Variants in NTF3 observed in about 807,000 individuals in gnomAD.
The protein encoded by NTF3 is neurotrophin-3.
A neutral mutation model predicts 26.3 loss-of-function variants in NTF3; 8 were observed. The observed-to-expected ratio is 0.30, with a 90% confidence interval of 0.18 to 0.55. The LOEUF (loss-of-function observed/expected upper bound fraction) is 0.55, where lower values mean the gene tolerates loss of function less well. Ranked by LOEUF, NTF3 falls within the 20% of genes least tolerant of loss-of-function variation. NTF3 has a pLI of 0.93. For synonymous variants in NTF3, 154 were observed against 145.5 expected (o/e 1.06, Z -0.42); for missense variants, 276 against 352.9 (o/e 0.78, Z 1.75).
chr12:5,472,028 G>T (rs762410017), intron 1 of NTF3, among the ~76,000 whole-genome samples: 4 of 152,210 alleles, frequency 2.6e-5, no homozygotes, highest in Admixed American at 6.5e-5. Flanking sequence ...ATAACTGTGC[G>T]GTCTGAGGTC....
At chr12:5,440,973 G>A (rs1431630915) in intron 1 of NTF3, among the ~76,000 whole-genome samples, 2 of 152,216 alleles carry the variant, frequency 1.3e-5, no homozygotes, top group African/African-American at 4.8e-5. Context: ...TGTTTATGAA[G>A]CACTGAAGAA....
Position 5,432,167 on chromosome 12 carries a change from C to A in NTF3, c.-158C>A. 1 of 833,234 alleles carries A rather than the reference C, an allele frequency of 1.2e-6. No homozygotes were observed. The highest frequency in any genetic ancestry group is 1.4e-5 in the South Asian group (1 of 69,580). The allele number at this position is 833,234 out of a possible 1,614,324, so 51.6% of individuals were successfully genotyped here. On this transcript the variant is annotated 5_prime_UTR_variant, in exon 1 of 2. Coordinates refer to ENST00000423158, the MANE Select transcript of NTF3 (RefSeq NM_001102654.2). ...CTCCGCGCACCGCCCCGCGACGCAG[C>A]CCGGCGCAACTACTTTCTTCTCTCT...
chr12:5,464,981 T>C (rs1368765891), intron 1 of NTF3, among the ~76,000 whole-genome samples: 1 of 152,200 alleles, frequency 6.6e-6, no homozygotes, highest in African/African-American at 2.4e-5. Flanking sequence ...CATTCTTCTC[T>C]TCAGCATCCA....
chr12:5,491,569 C>T (rs72653452), intron 1 of NTF3, among the ~76,000 whole-genome samples: 9,034 of 151,968 alleles, frequency 0.059, 970 homozygotes, highest in East Asian at 0.44. Flanking sequence ...ACAGGAGAGG[C>T]AGTGCACATG....
At chr12:5,486,584 C>T (rs570884541) in intron 1 of NTF3, among the ~76,000 whole-genome samples, 2 of 152,270 alleles carry the variant, frequency 1.3e-5, no homozygotes, top group South Asian at 4.1e-4. Flanking sequence ...AAACTCAGCT[C>T]GAACATAAGC....
At position 5,433,919 on chromosome 12, in the gene NTF3, C is replaced by G. The variant is rs1261175433; in HGVS notation, c.18+1577C>G. Among the ~76,000 whole-genome samples, 1 of 152,142 alleles carries G rather than the reference C, an allele frequency of 6.6e-6. No homozygotes were observed. The highest frequency in any genetic ancestry group is 2.4e-5 in the African/African-American group (1 of 41,426). On this transcript the variant is annotated intron_variant, in intron 1 of 1. Transcript: ENST00000423158. The surrounding 1 kb of genome is among the most constrained non-coding windows in gnomAD (Gnocchi z 4.6). ...CTGGAGCCTGATGTTTGTAACTCAG[C>G]TGATTATGGAGTGCACTGAGCGACC...
At chr12:5,460,279 A>G (rs991176646) in intron 1 of NTF3, among the ~76,000 whole-genome samples, 2 of 152,154 alleles carry the variant, frequency 1.3e-5, no homozygotes, top group African/African-American at 4.8e-5. Flanking sequence ...AATGTTATGT[A>G]TCCACCATTA....
intron 1 of NTF3, among the ~76,000 whole-genome samples, chr12:5,437,179 A>G (rs955142423): frequency 6.6e-6 from 1 of 152,216 alleles, no homozygotes; most frequent in Admixed American, 6.5e-5. Flanking sequence ...CCCAGAAGTC[A>G]GTACATGCTG....
In NTF3 at chr12:5,432,194, C is replaced by T; in HGVS notation, c.-131C>T. 9.1e-7 allele frequency: 1 copy of T among 1,096,200 alleles called. No homozygotes were observed. The highest frequency in any genetic ancestry group is 1.4e-6 in the Non-Finnish European group (1 of 720,606). The allele number at this position is 1,096,200 out of a possible 1,614,324, so 67.9% of individuals were successfully genotyped here. On this transcript the variant is annotated 5_prime_UTR_variant, in exon 1 of 2. Transcript: ENST00000423158. ...CGGCGCAACTACTTTCTTCTCTCTC[C>T]TTTCTTTCTTCCTCTCCTTTTTCCC...
intron 1 of NTF3, among the ~76,000 whole-genome samples, chr12:5,446,010 T>C (rs1940301126): frequency 6.6e-6 from 1 of 152,192 alleles, no homozygotes; most frequent in Admixed American, 6.5e-5. Context: ...GGATGAATGA[T>C]GGGGAACAGC....
intron 1 of NTF3, among the ~76,000 whole-genome samples, chr12:5,454,152 C>T (rs1591595911): frequency 1.3e-5 from 2 of 152,164 alleles, no homozygotes. Flanking sequence ...CGGTCAGGGC[C>T]GTGTTTCATC....
At chr12:5,487,940 C>G (rs1940887239) in intron 1 of NTF3, among the ~76,000 whole-genome samples, 1 of 152,196 alleles carries the variant, frequency 6.6e-6, no homozygotes, top group Non-Finnish European at 1.5e-5. Context: ...TGGGGACCAT[C>G]TCTGGCCTGC....
intron 1 of NTF3, among the ~76,000 whole-genome samples, chr12:5,483,985 G>T (rs1940837987): frequency 6.6e-6 from 1 of 152,132 alleles, no homozygotes; most frequent in African/African-American, 2.4e-5. Context: ...GGGCTGCTGG[G>T]GCCTCAGGCT....
intron 1 of NTF3, among the ~76,000 whole-genome samples, chr12:5,465,131 G>C (rs61907700): frequency 1.3e-5 from 2 of 152,132 alleles, no homozygotes; most frequent in Non-Finnish European, 2.9e-5. Flanking sequence ...CACATCTCCC[G>C]CCCTCAGTCC....
intron 1 of NTF3, among the ~76,000 whole-genome samples, chr12:5,443,865 GA>G (rs919652304): frequency 1.6e-4 from 24 of 150,618 alleles, no homozygotes; most frequent in African/African-American, 5.9e-4. Context: ...GAGAGAGAGA[GA>G]AAAAAAAAGA....
chr12:5,439,501 C>G (rs907568371), intron 1 of NTF3, among the ~76,000 whole-genome samples: 1 of 152,194 alleles, frequency 6.6e-6, no homozygotes, highest in Non-Finnish European at 1.5e-5. Context: ...TCCCTGCCCC[C>G]GGAAGCCTCC....
chr12:5,455,357 TAACCCA>T (rs1173150025), intron 1 of NTF3, among the ~76,000 whole-genome samples: 1 of 152,160 alleles, frequency 6.6e-6, no homozygotes, highest in East Asian at 1.9e-4. Flanking sequence ...TTCTTGAGCG[TAACCCA>T]TGACTGCCTG....
chr12:5,462,241 G>A (rs929792451), intron 1 of NTF3, among the ~76,000 whole-genome samples: 26 of 152,202 alleles, frequency 1.7e-4, no homozygotes, highest in Admixed American at 9.2e-4. Context: ...CTCCACATAG[G>A]TCTCTAAGTA....
chr12:5,453,369 C>T (rs918638182), intron 1 of NTF3, among the ~76,000 whole-genome samples: 9 of 152,182 alleles, frequency 5.9e-5, no homozygotes, highest in African/African-American at 1.9e-4. Flanking sequence ...CTCCTGCCTC[C>T]CCTTCCCTAA....
Sources: gnomAD v4.1 joint callset for allele counts (sites outside exome capture counted in the v4.1 genomes callset) on GRCh38, gnomAD v4.1.1 for gene constraint, Gnocchi (gnomAD v3.1) non-coding constraint, MANE v1.5 for transcripts, NCBI Gene and HGNC (gene_info 2026-07-23, HGNC 2026-07-21) for gene names.